Variants in NBEA observed in about 807,000 individuals in gnomAD.
NBEA encodes the protein lysosomal-trafficking regulator 2.
Under a neutral mutation model 343.4 loss-of-function variants are expected in NBEA, and 44 were observed. The observed-to-expected ratio is 0.13, with a 90% confidence interval of 0.10 to 0.16. NBEA has a LOEUF of 0.16. Among genes scored for constraint, NBEA ranks in the 10% least tolerant of loss-of-function variants. The pLI, the probability that NBEA is intolerant of heterozygous loss-of-function variation, is 1.00. For missense variants in NBEA, 2,555 were observed against 3,631.3 expected (o/e 0.70, Z 7.62); for synonymous variants, 1,175 against 1,238.7 (o/e 0.95, Z 1.08).
intron 44 of NBEA, among the ~76,000 whole-genome samples, chr13:35,563,747 CA>C (rs918215316): frequency 2.7e-5 from 4 of 149,534 alleles, no homozygotes; most frequent in African/African-American, 4.9e-5. Flanking sequence ...AAGTGAATTA[CA>C]AAAAAAAATG....
chr13:35,443,888 A>G, intron 39 of NBEA, among the ~76,000 whole-genome samples: 1 of 152,014 alleles, frequency 6.6e-6, no homozygotes, highest in East Asian at 1.9e-4. Flanking sequence ...AGATGATTTA[A>G]TTTTTTGTCA....
chr13:35,351,499 AACTGATAATT>A (rs980726606), intron 37 of NBEA, among the ~76,000 whole-genome samples: 4 of 152,018 alleles, frequency 2.6e-5, no homozygotes, highest in Admixed American at 6.6e-5. Context: ...CTGACATGAC[AACTGATAATT>A]ATGGGAAAAG....
intron 38 of NBEA, among the ~76,000 whole-genome samples, chr13:35,428,582 G>T (rs984356817): frequency 1.3e-5 from 2 of 151,886 alleles, no homozygotes; most frequent in Non-Finnish European, 2.9e-5. Context: ...TACATCTTCT[G>T]TTTCTTTTCT....
At chr13:35,662,832 A>G (rs2085166252) in intron 55 of NBEA, among the ~76,000 whole-genome samples, 2 of 152,156 alleles carry the variant, frequency 1.3e-5, no homozygotes, top group Non-Finnish European at 2.9e-5. Context: ...ATAGCATATT[A>G]GGGAAAGGTC....
intron 1 of NBEA, among the ~76,000 whole-genome samples, chr13:34,955,018 A>G (rs1444462498): frequency 2.6e-5 from 4 of 152,138 alleles, no homozygotes; most frequent in Non-Finnish European, 4.4e-5. Flanking sequence ...GATCTGGTCA[A>G]TGGCCTGACT....
At chr13:35,577,031 A>G (rs534283889) in intron 45 of NBEA, among the ~76,000 whole-genome samples, 11 of 152,164 alleles carry the variant, frequency 7.2e-5, no homozygotes, top group Admixed American at 7.2e-4. Context: ...ACTGGATCCA[A>G]GTGCCCACCA....
chr13:35,274,235 T>A (rs949726232), intron 34 of NBEA, among the ~76,000 whole-genome samples: 2 of 152,082 alleles, frequency 1.3e-5, no homozygotes, highest in African/African-American at 4.8e-5. Flanking sequence ...ACATAATCCA[T>A]GACATAAACA....
intron 49 of NBEA, among the ~76,000 whole-genome samples, chr13:35,642,061 T>G (rs1368402985): frequency 2.0e-5 from 3 of 152,180 alleles, no homozygotes; most frequent in East Asian, 1.9e-4. Flanking sequence ...TACCAAAGTG[T>G]TGTCTACCAA....
intron 1 of NBEA, among the ~76,000 whole-genome samples, chr13:35,017,993 T>C (rs1042509256): frequency 3.3e-5 from 5 of 152,174 alleles, no homozygotes; most frequent in African/African-American, 1.2e-4. Flanking sequence ...CTCCATTATT[T>C]ATCTTGTCAC....
At chr13:35,241,105 T>A (rs2030187377) in intron 34 of NBEA, among the ~76,000 whole-genome samples, 1 of 151,892 alleles carries the variant, frequency 6.6e-6, no homozygotes. Context: ...AAATAATTTT[T>A]AAATTATTTT....
At chr13:35,179,587 T>G (rs1265001027) in intron 28 of NBEA, 1 of 156,752 alleles carries the variant, frequency 6.4e-6, no homozygotes, top group Non-Finnish European at 1.4e-5. Context: ...TCATGCCATA[T>G]ATAAAGGAGG....
chr13:35,635,464 T>C (rs2083654078), intron 49 of NBEA, among the ~76,000 whole-genome samples: 3 of 152,186 alleles, frequency 2.0e-5, no homozygotes, highest in African/African-American at 7.2e-5. Context: ...CCCCCTATAA[T>C]TACTGCATGT....
intron 12 of NBEA, 23 bp downstream of exon 12, chr13:35,109,465 G>C: frequency 1.3e-6 from 2 of 1,564,992 alleles, no homozygotes; most frequent in Non-Finnish European, 1.7e-6. Flanking sequence ...TACTTATTCA[G>C]TTTGATTTAG....
chr13:35,097,243 C>A (rs544714057), intron 10 of NBEA, among the ~76,000 whole-genome samples: 2 of 151,688 alleles, frequency 1.3e-5, no homozygotes, highest in East Asian at 1.9e-4. Flanking sequence ...ACTTCAGATT[C>A]CTTTTGGGCT....
intron 12 of NBEA, among the ~76,000 whole-genome samples, chr13:35,110,465 A>G (rs962973962): frequency 5.3e-5 from 8 of 152,106 alleles, no homozygotes; most frequent in African/African-American, 1.9e-4. Context: ...AAATTTTTAC[A>G]TTGAAAGCTA....
At chr13:35,468,117 C>CCG (rs2075473588) in intron 40 of NBEA, among the ~76,000 whole-genome samples, 1 of 148,308 alleles carries the variant, frequency 6.7e-6, no homozygotes, top group Non-Finnish European at 1.5e-5. Flanking sequence ...CACCCCCCCC[C>CCG]CACTCCCCTC....
chr13:35,533,991 A>C (rs2078403473), intron 41 of NBEA, among the ~76,000 whole-genome samples: 1 of 152,182 alleles, frequency 6.6e-6, no homozygotes, highest in South Asian at 2.1e-4. Context: ...ATTTTAATTT[A>C]TATTTTATTC....
intron 10 of NBEA, among the ~76,000 whole-genome samples, chr13:35,077,597 G>A (rs1409112281): frequency 6.6e-6 from 1 of 151,976 alleles, no homozygotes; most frequent in Admixed American, 6.6e-5. Flanking sequence ...TATTGCTACT[G>A]CCTTAGTCTA....
chr13:35,512,128 C>T (rs1218448000), intron 41 of NBEA, among the ~76,000 whole-genome samples: 2 of 152,210 alleles, frequency 1.3e-5, no homozygotes, highest in East Asian at 1.9e-4. Context: ...AGTGAAAGCA[C>T]ATGCTTTTAA....
Sources: allele counts gnomAD v4.1 joint callset (sites outside exome capture counted in the v4.1 genomes callset), GRCh38; gene constraint gnomAD v4.1.1; transcripts MANE v1.5; gene names NCBI Gene and HGNC (gene_info 2026-07-23, HGNC 2026-07-21).